The following UBR2 variants were observed in gnomAD, a reference collection of about 807,000 sequenced individuals.
The protein encoded by UBR2 is E3 ubiquitin-protein ligase UBR2.
UBR2 carries 92 observed loss-of-function variants against 247.9 expected under a neutral mutation model. The ratio of observed to expected loss-of-function variants is 0.37; its 90% confidence interval spans 0.31 to 0.44. The LOEUF (loss-of-function observed/expected upper bound fraction) is 0.44. Among genes scored for constraint, UBR2 ranks in the 20% least tolerant of loss-of-function variants. The pLI is 1.00. For synonymous variants in UBR2, 672 were observed against 693.5 expected (o/e 0.97, Z 0.49); for missense variants, 1,613 against 2,112.6 (o/e 0.76, Z 4.64).
chr6:42,659,520 TACACACAC>T lies in UBR2; in HGVS notation c.3243-101_3243-94del, dbSNP rs59248267. 0.072 allele frequency: 35,524 copies of T among 492,950 alleles called. 379 individuals carry two copies. Among genetic ancestry groups the T allele is most frequent in the Middle Eastern group, 0.11 (192 of 1,800 alleles). 30.5% of individuals were successfully genotyped at this position (492,950 alleles called of 1,614,324 possible). On this transcript the variant is annotated intron_variant, in intron 29 of 46. Coordinates refer to ENST00000372901, the MANE Select transcript of UBR2 (RefSeq NM_001363705.2). The surrounding 1 kb of genome is among the most constrained non-coding windows in gnomAD (Gnocchi z 4.3). ...GTCTCAAAAAATAAATAAATATATA[TACACACAC>T]ACACACACACACACACACACACACA...
intron 11 of UBR2, among the ~76,000 whole-genome samples, chr6:42,631,673 G>T (rs531030557): frequency 1.3e-4 from 19 of 151,652 alleles, no homozygotes; most frequent in African/African-American, 4.6e-4. Flanking sequence ...TAAAAAGAAT[G>T]ACGAGCATTT....
At chr6:42,672,988 T>C (rs3749898) in intron 36 of UBR2, among the ~76,000 whole-genome samples, 34,166 of 152,164 alleles carry the variant, frequency 0.22, 3,864 homozygotes, top group Middle Eastern at 0.26. Flanking sequence ...CATCAACTTA[T>C]CACATACCCA....
rs374847199 is a variant in UBR2, at chr6:42,648,178, T to A, written c.2462+8T>A. 1 of 1,611,344 alleles carries A rather than the reference T, an allele frequency of 6.2e-7. No homozygotes were observed. The highest frequency in any genetic ancestry group is 8.5e-7 in the Non-Finnish European group (1 of 1,177,630). ...AGCAGTTGCCCATTTCAAGTGAGTT[T>A]ACTTCCTATTATTTCACATTCTTTT... On this transcript the variant is annotated splice_region_variant and intron_variant, in intron 22 of 46. Coordinates refer to ENST00000372901, the MANE Select transcript of UBR2 (RefSeq NM_001363705.2).
intron 1 of UBR2, 117 bp downstream of exon 1, chr6:42,564,514 C>G: frequency 2.5e-6 from 3 of 1,193,840 alleles, no homozygotes; most frequent in South Asian, 3.1e-5. Flanking sequence ...ACAGCTGTGC[C>G]GGCCCTCGCC....
At chr6:42,625,807 A>AT (rs775023705) in intron 11 of UBR2, among the ~76,000 whole-genome samples, 1 of 147,484 alleles carries the variant, frequency 6.8e-6, no homozygotes, top group African/African-American at 2.5e-5. Context: ...GCGTTGATTT[A>AT]TTTTTCCCCC....
At position 42,691,401 on chromosome 6, in the gene UBR2, C is replaced by A; in HGVS notation, c.*228C>A. On this transcript the variant is annotated 3_prime_UTR_variant, in exon 47 of 47. Transcript: ENST00000372901. ...TAATGTCTTGGGTTTTAAGATCGAGCAAGGAGCTTCTCTTCCTAGATTGGA... is the reference window on the plus strand; with the variant it reads ...TAATGTCTTGGGTTTTAAGATCGAGAAAGGAGCTTCTCTTCCTAGATTGGA... The A allele has an allele frequency of 1.8e-6, 1 of 549,000 alleles. No homozygotes were observed. The highest frequency in any genetic ancestry group is 3.1e-6 in the Non-Finnish European group (1 of 317,796). 34.0% of individuals were successfully genotyped at this position (549,000 alleles called of 1,614,324 possible).
chr6:42,675,419 G>A (rs908036763), intron 38 of UBR2, among the ~76,000 whole-genome samples: 1 of 152,096 alleles, frequency 6.6e-6, no homozygotes, highest in African/African-American at 2.4e-5. Flanking sequence ...GATATTTATG[G>A]GTCCAAAACC....
In UBR2 at chr6:42,676,860, C is replaced by T; in HGVS notation, c.4465C>T (p.Gln1489Ter). ...TCTTGCTTTGTATAAAACACTTCACCAGTATACGGGAAGGTGAGTTAGTTA... is the reference window on the plus strand; with the variant it reads ...TCTTGCTTTGTATAAAACACTTCACTAGTATACGGGAAGGTGAGTTAGTTA... ...AVLALYKTLH[Q>*]YTGSALKEIP... The change falls in exon 40 of 47, where the codon CAG (glutamine) becomes TAG (stop). Residue 1489 changes from glutamine (Q) to a stop codon, truncating the protein, a stop_gained. Coordinates refer to ENST00000372901, the MANE Select transcript of UBR2 (RefSeq NM_001363705.2). LOFTEE classifies it high-confidence loss of function. 1 of 1,613,370 alleles carries T rather than the reference C, an allele frequency of 6.2e-7. No homozygotes were observed. Among genetic ancestry groups the T allele is most frequent in the Non-Finnish European group, 8.5e-7 (1 of 1,179,476 alleles).
At chr6:42,597,814 G>A (rs1184336038) in intron 4 of UBR2, among the ~76,000 whole-genome samples, 1 of 152,042 alleles carries the variant, frequency 6.6e-6, no homozygotes, top group African/African-American at 2.4e-5. Context: ...TACTTGGGAG[G>A]CTGAGGCAAG....
At chr6:42,665,917 A>G (rs1356203656) in intron 33 of UBR2, among the ~76,000 whole-genome samples, 1 of 152,002 alleles carries the variant, frequency 6.6e-6, no homozygotes, top group Admixed American at 6.6e-5. Context: ...GATTTATATC[A>G]TTGGTTTTCA....
At chr6:42,666,036 A>G (rs1353929179) in intron 33 of UBR2, 131 bp from the exon 34 acceptor site, 4 of 673,676 alleles carry the variant, frequency 5.9e-6, no homozygotes, top group African/African-American at 5.5e-5. Flanking sequence ...TTCATGCTTC[A>G]TATGGTTGTT....
At chr6:42,577,899 T>C (rs1441527217) in intron 2 of UBR2, among the ~76,000 whole-genome samples, 4 of 151,988 alleles carry the variant, frequency 2.6e-5, no homozygotes, top group African/African-American at 7.3e-5. Context: ...AATAATTTTG[T>C]ATAGGCTTTT....
intron 5 of UBR2, 45 bp downstream of exon 5, chr6:42,603,763 T>C: frequency 6.5e-7 from 1 of 1,550,362 alleles, no homozygotes; most frequent in Non-Finnish European, 8.6e-7. Context: ...AACTGCTAAA[T>C]TTTAACTTTA....
At chr6:42,657,912 C>G (rs1193948912) in intron 26 of UBR2, 112 bp from the exon 27 acceptor site, 1 of 694,634 alleles carries the variant, frequency 1.4e-6, no homozygotes, top group Non-Finnish European at 2.4e-6. Flanking sequence ...GAGCCATAAT[C>G]AAATTATGGG....
chr6:42,640,371 C>A, intron 16 of UBR2, 101 bp downstream of exon 16: 2 of 815,440 alleles, frequency 2.5e-6, no homozygotes, highest in Non-Finnish European at 3.8e-6. Flanking sequence ...TCCAGAGGAA[C>A]AGAACCAGTA....
rs1372670123 is a variant in UBR2, at chr6:42,658,270, A to T, written c.3013A>T (p.Ser1005Cys). 1.9e-6 allele frequency: 3 copies of T among 1,613,802 alleles called. No individual in the cohort carries two copies. Among genetic ancestry groups the T allele is most frequent in the Non-Finnish European group, 2.5e-6 (3 of 1,179,948 alleles). The change falls in exon 28 of 47, where the codon AGT becomes TGT. Residue 1005 changes from serine to cysteine, a missense_variant. Ser to Cys is a moderately radical substitution (Grantham distance 112). Transcript: ENST00000372901. ...TAATGCTGTTAAAAAGATGAGGGAG[A>T]GTTCACCTACCAGTCCCGTGGCAGA... ...TFNAVKKMRE[S>C]SPTSPVAETE...
At chr6:42,601,398 A>T (rs1275930454) in intron 4 of UBR2, among the ~76,000 whole-genome samples, 2 of 152,266 alleles carry the variant, frequency 1.3e-5, no homozygotes, top group African/African-American at 4.8e-5. Flanking sequence ...AACAATAAAT[A>T]AAAAACTTCG....
chr6:42,650,223 T>A (rs3763234), intron 22 of UBR2, 61 bp from the exon 23 acceptor site: 6 of 1,350,992 alleles, frequency 4.4e-6, no homozygotes, highest in Non-Finnish European at 6.3e-6. Context: ...TATCCAAGAC[T>A]ATCTCTCATA....
At chr6:42,640,434 G>GTA (rs1298599600) in intron 16 of UBR2, among the ~76,000 whole-genome samples, 164 bp downstream of exon 16, 3 of 115,270 alleles carry the variant, frequency 2.6e-5, no homozygotes, top group African/African-American at 9.5e-5. Context: ...GTGTGTGTGT[G>GTA]TATAGATACA....
Sources: allele counts gnomAD v4.1 joint callset (sites outside exome capture counted in the v4.1 genomes callset), GRCh38; gene constraint gnomAD v4.1.1; non-coding constraint Gnocchi (gnomAD v3.1); transcripts MANE v1.5; gene names NCBI Gene and HGNC (gene_info 2026-07-23, HGNC 2026-07-21).